The following WDR90 variants were observed in gnomAD, a reference collection of about 807,000 sequenced individuals.
WDR90 encodes the protein WD repeat-containing protein 90.
Under a neutral mutation model 195.2 loss-of-function variants are expected in WDR90, and 238 were observed. That is an observed-to-expected ratio of 1.22 (90% CI 1.10 to 1.36). The LOEUF is 1.36. Ranked by LOEUF, WDR90 falls within the 40% of genes most tolerant of loss-of-function variation. WDR90 has a pLI of 0.00. For synonymous variants in WDR90, 1,265 were observed against 1,052.4 expected (o/e 1.20, Z -3.91); for missense variants, 2,734 against 2,439.5 (o/e 1.12, Z -2.54).
rs767788709 is a variant in WDR90 at position 659,364 on chromosome 16, G to C, written c.3172G>C (p.Glu1058Gln). Residue 1058 changes from glutamate (E) to glutamine (Q), a missense_variant, in exon 26 of 41, where the codon GAA becomes CAA. Glu to Gln is a conservative substitution (Grantham distance 29). Coordinates refer to ENST00000293879, the MANE Select transcript of WDR90 (RefSeq NM_145294.5). ...PRLGVCARPPEGGDGARDTRN... is the reference protein window; with the variant it reads ...PRLGVCARPPQGGDGARDTRN... Reference sequence around the variant, plus strand: ...GCTGGGCGTCTGTGCCAGGCCTCCCGAAGGTGGCGATGGTGAGCAGCAGGG... The same window carrying C: ...GCTGGGCGTCTGTGCCAGGCCTCCCCAAGGTGGCGATGGTGAGCAGCAGGG... 6 of 1,592,298 alleles carry C rather than the reference G, an allele frequency of 3.8e-6. No individual in the cohort carries two copies. The highest frequency in any genetic ancestry group is 5.1e-6 in the Non-Finnish European group (6 of 1,170,602).
chr16:660,345 G>C (rs1288705503), intron 27 of WDR90, among the ~76,000 whole-genome samples, 184 bp downstream of exon 27: 1 of 152,130 alleles, frequency 6.6e-6, no homozygotes, highest in East Asian at 1.9e-4. Context: ...CTGGCCTCCA[G>C]ACGGGACTCT....
In WDR90 at chr16:650,092, G is replaced by C. The variant is rs775637185; in HGVS notation, c.204G>C (p.Thr68=). ...PKSSTQSLGL[T]GRYLYVLFRP... The stretch of plus-strand genomic sequence containing the variant: ...GCAGCACCCAGTCTCTGGGGCTGAC[G>C]GGACGATACCTGTATGTGCTCTTTC... Residue 68 remains threonine, a synonymous_variant, in exon 3 of 41, where the codon ACG becomes ACC. Coordinates refer to ENST00000293879, the MANE Select transcript of WDR90 (RefSeq NM_145294.5). 1.7e-5 allele frequency: 27 copies of C among 1,613,084 alleles called. No homozygotes were observed. The South Asian group carries it at 2.9e-4, about 17-fold the overall frequency.
Position 651,916 on chromosome 16 carries a change from T to G in WDR90, c.930T>G (p.Gly310=). Residue 310 remains glycine (G), a synonymous_variant, in exon 9 of 41, where the codon GGT becomes GGG. Transcript: ENST00000293879. ...ACGCCTCCAACGCGGATGGCCCCGG[T>G]TTCCATAGCCTTGAGCCCTGGGCCC... ...RSDASNADGP[G]FHSLEPWAQL... is the part of the protein sequence containing the mutation. 6.2e-7 allele frequency: 1 copy of G among 1,610,804 alleles called. No homozygotes were observed. Among genetic ancestry groups the G allele is most frequent in the Non-Finnish European group, 8.5e-7 (1 of 1,179,454 alleles).
rs550490853 is a variant in WDR90 at position 655,448 on chromosome 16, G to A, written c.1698G>A (p.Pro566=). The change falls in exon 15 of 41, where the codon CCG becomes CCA. Residue 566 remains proline (P), a synonymous_variant. Coordinates refer to ENST00000293879, the MANE Select transcript of WDR90 (RefSeq NM_145294.5). ...LAFKQARDGC[P]EPSAAMLFVC... ...TCAAGCAGGCCCGGGACGGCTGCCCGGAGCCCTCGGCTGCCATGCTGTGAG... is the reference window on the plus strand; with the variant it reads ...TCAAGCAGGCCCGGGACGGCTGCCCAGAGCCCTCGGCTGCCATGCTGTGAG... The A allele has an allele frequency of 1.3e-4, 197 of 1,544,980 alleles. No homozygotes were observed. The highest frequency in any genetic ancestry group is 6.9e-4 in the South Asian group (57 of 82,958).
chr16:659,728 G>A (rs2037853313), intron 26 of WDR90, among the ~76,000 whole-genome samples: 1 of 152,226 alleles, frequency 6.6e-6, no homozygotes, highest in South Asian at 2.1e-4. Flanking sequence ...GGCAGGGCTG[G>A]AGACGGGGCC....
chr16:652,387 T>A (rs1263652565), intron 9 of WDR90, 80 bp from the exon 10 acceptor site: 2 of 1,486,666 alleles, frequency 1.3e-6, no homozygotes, highest in Non-Finnish European at 1.8e-6. Flanking sequence ...CAGCTAGGGG[T>A]TGGCGGGGCT....
In WDR90 at chr16:666,055, C is replaced by T. The variant is rs768363738; in HGVS notation, c.4540C>T (p.Arg1514Cys). The change falls in exon 36 of 41, where the codon CGC becomes TGC. Residue 1514 changes from arginine (R) to cysteine (C), a missense_variant. Transcript: ENST00000293879. ...DGSLRIFSVS[R>C]TAMELKMHPH... The stretch of plus-strand genomic sequence containing the variant: ...CTCCCTGCGCATCTTCAGCGTCTCC[C>T]GCACGGCCATGGAGCTCAAGATGCA... 2.0e-5 allele frequency: 32 copies of T among 1,607,302 alleles called. No individual in the cohort carries two copies. Among genetic ancestry groups the T allele is most frequent in the Non-Finnish European group, 2.5e-5 (30 of 1,179,862 alleles).
At position 661,180 on chromosome 16, in the gene WDR90, C is replaced by CCTG; in HGVS notation, c.3513+10_3513+12dup. The stretch of plus-strand genomic sequence containing the variant: ...CTCAGCCACAGTGCCCAGGTGCCCG[C>CCTG]CTGCATCGCCCTCCTCCTCTCCCAG... On this transcript the variant is annotated intron_variant, in intron 29 of 40. Coordinates refer to ENST00000293879, the MANE Select transcript of WDR90 (RefSeq NM_145294.5). 1 of 1,533,664 alleles carries CCTG rather than the reference C, an allele frequency of 6.5e-7. No individual in the cohort carries two copies. The highest frequency in any genetic ancestry group is 1.4e-5 in the African/African-American group (1 of 73,038).
Position 656,894 on chromosome 16 carries a change from G to A in WDR90, c.2342+23G>A, listed in dbSNP as rs370291129. On this transcript the variant is annotated intron_variant, in intron 19 of 40. Transcript: ENST00000293879. Reference sequence around the variant, plus strand: ...CACGTAAGTGCCCAGCTGGCCACCAGCCCCACGGAGACCCCACGGTGGAAG... The same window carrying A: ...CACGTAAGTGCCCAGCTGGCCACCAACCCCACGGAGACCCCACGGTGGAAG... 6.2e-6 allele frequency: 10 copies of A among 1,607,796 alleles called. No homozygotes were observed. In the African/African-American group the frequency reaches 1.2e-4, roughly 19 times the overall value.
chr16:657,000 C>G (rs946386585), intron 19 of WDR90, 91 bp from the exon 20 acceptor site: 1 of 1,561,982 alleles, frequency 6.4e-7, no homozygotes, highest in Admixed American at 1.9e-5. Context: ...ATGGGGACTT[C>G]CATGGCCAGG....
At position 659,015 on chromosome 16, in the gene WDR90, A is replaced by T; in HGVS notation, c.3011+4A>T. The T allele has an allele frequency of 6.2e-7, 1 of 1,613,142 alleles. No homozygotes were observed. Among genetic ancestry groups the T allele is most frequent in the East Asian group, 2.2e-5 (1 of 44,866 alleles). On this transcript the variant is annotated splice_donor_region_variant and intron_variant, in intron 24 of 40. Coordinates refer to ENST00000293879, the MANE Select transcript of WDR90 (RefSeq NM_145294.5). ...ATGTCCTGGCCCCTACTGAGAGGCA[A>T]GTGCCTACTCTCAGCTGTGTCTGCC... is the stretch of plus-strand genomic sequence containing the variant.
In WDR90 at chr16:653,525, G is replaced by A. The variant is rs1299993383; in HGVS notation, c.1234G>A (p.Val412Ile). Residue 412 changes from valine to isoleucine, a missense_variant and splice_region_variant, in exon 12 of 41, where the codon GTC (valine) becomes ATC (isoleucine). Coordinates refer to ENST00000293879, the MANE Select transcript of WDR90 (RefSeq NM_145294.5). ...CCTCCCTCACCCTTCTGCCTCCTAGGTCTCCGCCCTGGCGCTGGATGGCAG... is the reference window on the plus strand; with the variant it reads ...CCTCCCTCACCCTTCTGCCTCCTAGATCTCCGCCCTGGCGCTGGATGGCAG... Reference protein sequence around the residue: ...QRFFLGHTDKVSALALDGSSS... With the variant: ...QRFFLGHTDKISALALDGSSS... 8 of 1,612,972 alleles carry A rather than the reference G, an allele frequency of 5.0e-6. No homozygotes were observed. The highest frequency in any genetic ancestry group is 6.8e-6 in the Non-Finnish European group (8 of 1,179,704).
In WDR90 at chr16:657,071, G is replaced by GT. The variant is rs1055073040; in HGVS notation, c.2343-20_2343-19insT. The GT allele has an allele frequency of 1.9e-6, 3 of 1,595,560 alleles. No homozygotes were observed. The African/African-American group carries it at 4.0e-5, about 21-fold the overall frequency. On this transcript the variant is annotated intron_variant, in intron 19 of 40. Coordinates refer to ENST00000293879, the MANE Select transcript of WDR90 (RefSeq NM_145294.5). ...TGGGCTTCGGGGCTAGGGCCAGCGG[G>GT]GTCCCTGTGTGTGCTGCAGGTGCCA... is the stretch of plus-strand genomic sequence containing the variant.
At chr16:659,944 T>G in intron 26 of WDR90, 114 bp from the exon 27 acceptor site, 1 of 798,834 alleles carries the variant, frequency 1.3e-6, no homozygotes. Flanking sequence ...TGCCCCGCCG[T>G]GCAGTTCTCA....
chr16:656,060 G>A (rs1275568320), intron 17 of WDR90, 171 bp downstream of exon 17: 23 of 868,340 alleles, frequency 2.6e-5, no homozygotes, highest in African/African-American at 3.4e-5. Flanking sequence ...ATGCCAGGGC[G>A]GCCCGCGGGG....
chr16:659,253 G>C lies in WDR90; in HGVS notation c.3061G>C (p.Ala1021Pro), dbSNP rs200721951. 5.6e-5 allele frequency: 90 copies of C among 1,611,396 alleles called. No homozygotes were observed. In the African/African-American group the frequency reaches 9.9e-4, roughly 18 times the overall value. ...APPACKTGPG[A>P]GPLEDAASRA... ...GGCTGCTTCTTCCCCAGGCCCGGGC[G>C]CAGGACCGCTGGAGGACGCAGCGTC... Residue 1021 changes from alanine to proline, a missense_variant, in exon 26 of 41, where the codon GCA becomes CCA. Coordinates refer to ENST00000293879, the MANE Select transcript of WDR90 (RefSeq NM_145294.5).
intron 34 of WDR90, chr16:663,336 G>A (rs981931939): frequency 3.3e-6 from 1 of 306,128 alleles, no homozygotes; most frequent in Non-Finnish European, 6.3e-6. Flanking sequence ...TACTCTGGAG[G>A]CTGAGACAAG....
rs1484810902 is a variant in WDR90, at chr16:660,710, C to T, written c.3387C>T (p.Asp1129=). 2 of 1,563,854 alleles carry T rather than the reference C, an allele frequency of 1.3e-6. No homozygotes were observed. The highest frequency in any genetic ancestry group is 1.7e-6 in the Non-Finnish European group (2 of 1,153,916). ...GGGCCAACATGGTCTGGAGGCCGGA[C>T]ACAGGTGGGGGCCAAGAGCCTACCC... The part of the protein sequence containing the change: ...NGRANMVWRP[D]TGFFAYTCGR... The change falls in exon 28 of 41, where the codon GAC becomes GAT. Residue 1129 remains aspartate (D), a synonymous_variant. Transcript: ENST00000293879.
At chr16:657,333 C>A in intron 20 of WDR90, 112 bp downstream of exon 20, 1 of 1,417,384 alleles carries the variant, frequency 7.1e-7, no homozygotes, top group Non-Finnish European at 9.3e-7. Context: ...CCGACTGGGT[C>A]CTGTGGGGGG....
Sources: gnomAD v4.1 joint callset for allele counts (sites outside exome capture counted in the v4.1 genomes callset) on GRCh38, gnomAD v4.1.1 for gene constraint, MANE v1.5 for transcripts, NCBI Gene and HGNC (gene_info 2026-07-23, HGNC 2026-07-21) for gene names.